The following LRRTM3 variants were observed in gnomAD, a reference collection of about 807,000 sequenced individuals.
The protein encoded by LRRTM3 is leucine rich repeat transmembrane neuronal 3, also known as leucine-rich repeat transmembrane neuronal protein 3.
In LRRTM3, 24 loss-of-function variants were observed where a neutral mutation model predicts 44.7. The observed-to-expected ratio is 0.54, with a 90% confidence interval of 0.39 to 0.76. The LOEUF is 0.76. LRRTM3 is among the 30% of genes least tolerant of loss of function. The pLI is 0.00. For missense variants in LRRTM3, 587 were observed against 702.2 expected, an observed-to-expected ratio of 0.84 and a Z score of 1.85; for synonymous variants, 277 against 278.7, an observed-to-expected ratio of 0.99 and a Z score of 0.06.
intron 2 of LRRTM3, among the ~76,000 whole-genome samples, chr10:67,019,029 C>A (rs1852828166): frequency 6.6e-6 from 1 of 152,122 alleles, no homozygotes; most frequent in Non-Finnish European, 1.5e-5. Flanking sequence ...TCTTCTGTTC[C>A]ATTCACTATT....
At chr10:67,057,185 G>A (rs1171301321) in intron 2 of LRRTM3, among the ~76,000 whole-genome samples, 1 of 151,994 alleles carries the variant, frequency 6.6e-6, no homozygotes, top group Non-Finnish European at 1.5e-5. Flanking sequence ...TTATATTCAA[G>A]GCATACAATG....
intron 2 of LRRTM3, among the ~76,000 whole-genome samples, chr10:67,002,415 T>A (rs749629643): frequency 2.6e-5 from 4 of 152,158 alleles, no homozygotes; most frequent in Non-Finnish European, 5.9e-5. Context: ...TGTTTTAATT[T>A]TTAATGATAG....
At chr10:67,067,987 T>G (rs1856196947) in intron 2 of LRRTM3, among the ~76,000 whole-genome samples, 1 of 152,150 alleles carries the variant, frequency 6.6e-6, no homozygotes, top group African/African-American at 2.4e-5. Flanking sequence ...TTAAACCAAG[T>G]GTCAAATTAG....
At chr10:66,991,113 T>C (rs1851013486) in intron 2 of LRRTM3, among the ~76,000 whole-genome samples, 1 of 152,214 alleles carries the variant, frequency 6.6e-6, no homozygotes. Flanking sequence ...ACAGATGTTC[T>C]AAAAGCACAC....
chr10:66,981,311 T>C, intron 2 of LRRTM3, among the ~76,000 whole-genome samples: 1 of 152,230 alleles, frequency 6.6e-6, no homozygotes, highest in East Asian at 1.9e-4. Flanking sequence ...CACCTTCATC[T>C]ATATCTCTAA....
At chr10:67,034,864 A>G (rs1306785979) in intron 2 of LRRTM3, among the ~76,000 whole-genome samples, 1 of 152,104 alleles carries the variant, frequency 6.6e-6, no homozygotes, top group Non-Finnish European at 1.5e-5. Context: ...AAATATATCT[A>G]TTTGCAGTTC....
At chr10:66,980,494 A>G (rs1440718459) in intron 2 of LRRTM3, among the ~76,000 whole-genome samples, 1 of 127,796 alleles carries the variant, frequency 7.8e-6, no homozygotes, top group Non-Finnish European at 1.7e-5. Flanking sequence ...AACCAAAACT[A>G]TTGAGACCTT....
intron 2 of LRRTM3, among the ~76,000 whole-genome samples, chr10:67,093,390 C>T (rs1857776708): frequency 6.6e-6 from 1 of 151,742 alleles, no homozygotes; most frequent in Admixed American, 6.6e-5. Flanking sequence ...TACTGTTGAA[C>T]ACCCTAATCT....
At chr10:67,075,175 C>CACACACAG (rs1313139874) in intron 2 of LRRTM3, among the ~76,000 whole-genome samples, 26 of 151,864 alleles carry the variant, frequency 1.7e-4, no homozygotes, top group African/African-American at 6.3e-4. Flanking sequence ...TTTCTGCACA[C>CACACACAG]ACACACACAC....
intron 2 of LRRTM3, among the ~76,000 whole-genome samples, chr10:67,069,865 CTGTT>C (rs1856338461): frequency 6.6e-6 from 1 of 152,114 alleles, no homozygotes; most frequent in Non-Finnish European, 1.5e-5. Flanking sequence ...ACAAAAAGGG[CTGTT>C]TGAACACTTT....
At chr10:67,033,858 C>T (rs1450251063) in intron 2 of LRRTM3, among the ~76,000 whole-genome samples, 1 of 152,118 alleles carries the variant, frequency 6.6e-6, no homozygotes, top group Admixed American at 6.5e-5. Flanking sequence ...GCAACCTCTG[C>T]CTCCCGGGTT....
intron 2 of LRRTM3, among the ~76,000 whole-genome samples, chr10:67,030,723 C>T (rs1048417676): frequency 3.3e-5 from 5 of 151,830 alleles, no homozygotes; most frequent in African/African-American, 7.3e-5. Flanking sequence ...AGAAAAGTAC[C>T]GGTCAGATGC....
intron 2 of LRRTM3, among the ~76,000 whole-genome samples, chr10:66,953,044 AG>A (rs1848620317): frequency 6.6e-6 from 1 of 152,094 alleles, no homozygotes; most frequent in African/African-American, 2.4e-5. Context: ...AAGAAAACAG[AG>A]CCTACTGAGA....
Position 67,005,687 on chromosome 10 carries a change from T to TTTTTTGTTTGTTTG in LRRTM3, c.1536+77240_1536+77241insGTTTGTTTGTTTTT, listed in dbSNP as rs1554895955. 3.6e-4 allele frequency among the ~76,000 whole-genome samples: 37 copies of TTTTTTGTTTGTTTG among 102,322 alleles called. 1 individual carries two copies. The highest frequency in any genetic ancestry group is 1.1e-3 in the African/African-American group (35 of 32,448). 67.1% of individuals were successfully genotyped at this position (102,322 alleles called of 152,430 possible). On this transcript the variant is annotated intron_variant, in intron 2 of 2. Transcript: ENST00000361320. ...TTTTGTTTATTTTACTCCATCTTTTTTTTTTTTTTTTTTTTTGAGACGGAG... is the reference window on the plus strand; with the variant it reads ...TTTTGTTTATTTTACTCCATCTTTTTTTTTTGTTTGTTTGTTTTTTTTTTTTTTTTGAGACGGAG...
chr10:66,991,416 C>T (rs1433636260), intron 2 of LRRTM3, among the ~76,000 whole-genome samples: 1 of 152,100 alleles, frequency 6.6e-6, no homozygotes, highest in Non-Finnish European at 1.5e-5. Flanking sequence ...TATATCAACA[C>T]TAAATCACAG....
intron 2 of LRRTM3, among the ~76,000 whole-genome samples, chr10:66,966,632 A>G (rs1468059499): frequency 6.6e-6 from 1 of 152,062 alleles, no homozygotes; most frequent in African/African-American, 2.4e-5. Flanking sequence ...ATTTACGGCG[A>G]GGGGGAAGCA....
chr10:67,083,700 G>C (rs1028629734), intron 2 of LRRTM3, among the ~76,000 whole-genome samples: 4 of 152,024 alleles, frequency 2.6e-5, no homozygotes, highest in Admixed American at 6.6e-5. Flanking sequence ...ATACATATAT[G>C]TCTCAGTTTC....
intron 2 of LRRTM3, among the ~76,000 whole-genome samples, chr10:67,018,508 G>A (rs183159622): frequency 6.6e-6 from 1 of 152,240 alleles, no homozygotes; most frequent in Admixed American, 6.5e-5. Context: ...ACATGTTTGG[G>A]AACAAATACA....
intron 2 of LRRTM3, among the ~76,000 whole-genome samples, chr10:67,013,459 A>C (rs966501265): frequency 1.1e-4 from 16 of 152,216 alleles, no homozygotes; most frequent in Non-Finnish European, 2.2e-4. Context: ...AAAGAGACAG[A>C]ATTCTCAGAC....
Sources: allele counts gnomAD v4.1 joint callset (sites outside exome capture counted in the v4.1 genomes callset), GRCh38; gene constraint gnomAD v4.1.1; transcripts MANE v1.5; gene names NCBI Gene and HGNC (gene_info 2026-07-23, HGNC 2026-07-21).